FMN1: variants seen among roughly 807,000 people sequenced by gnomAD.
The protein encoded by FMN1 is formin-1.
A neutral mutation model predicts 132.4 loss-of-function variants in FMN1; 110 were observed. The observed-to-expected ratio is 0.83, with a 90% CI of 0.71 to 0.97. The LOEUF (loss-of-function observed/expected upper bound fraction) is 0.97, where lower values mean the gene tolerates loss of function less well. Among genes scored for constraint, FMN1 ranks in the 50% least tolerant of loss-of-function variants. The probability of loss-of-function intolerance (pLI) is 0.00; values close to 1 mark genes in which losing one functional copy is unlikely to be tolerated. For synonymous variants in FMN1, 722 were observed against 651.7 expected (o/e 1.11, Z -1.64); for missense variants, 1,792 against 1,705.3 (o/e 1.05, Z -0.90).
intron 9 of FMN1, among the ~76,000 whole-genome samples, chr15:32,953,960 C>T (rs1384967156): frequency 6.6e-6 from 1 of 152,196 alleles, no homozygotes; most frequent in Non-Finnish European, 1.5e-5. Flanking sequence ...AACGTATCCA[C>T]ATTCAGCTAA....
chr15:32,989,082 C>CT (rs1287588766), intron 7 of FMN1, among the ~76,000 whole-genome samples: 1 of 151,908 alleles, frequency 6.6e-6, no homozygotes, highest in African/African-American at 2.4e-5. Flanking sequence ...TCCTTTGTCT[C>CT]TGAGTTTGAA....
At chr15:32,812,002 AT>A (rs2057897603) in intron 17 of FMN1, among the ~76,000 whole-genome samples, 1 of 142,064 alleles carries the variant, frequency 7.0e-6, no homozygotes, top group South Asian at 2.3e-4. Context: ...GAATTGGAGT[AT>A]TTTATGGACA....
chr15:33,123,691 C>T (rs1962781396), intron 4 of FMN1, among the ~76,000 whole-genome samples: 1 of 152,168 alleles, frequency 6.6e-6, no homozygotes, highest in South Asian at 2.1e-4. Context: ...AAGACATGAA[C>T]GTCCCTTCCA....
At chr15:33,059,671 AAC>A (rs1463718386) in intron 6 of FMN1, among the ~76,000 whole-genome samples, 7 of 152,374 alleles carry the variant, frequency 4.6e-5, no homozygotes, top group African/African-American at 1.4e-4. Flanking sequence ...ATAATTTATC[AAC>A]AGAGTATTAA....
At position 32,930,774 on chromosome 15, in the gene FMN1, T is replaced by TC. The variant is rs2061095242; in HGVS notation, c.3139-4514dup. ...TATATCCAGGAAACAACTGCCAAAA[T>TC]CAATTTTAGAGGACTTTTCCCTATT... On this transcript the variant is annotated intron_variant, in intron 9 of 20. Transcript: ENST00000616417. Among the ~76,000 whole-genome samples the TC allele has an allele frequency of 3.3e-5, 5 of 152,118 alleles. No homozygotes were observed. The South Asian group carries it at 1.0e-3, about 32-fold the overall frequency.
chr15:33,064,354 T>C (rs991264221), intron 6 of FMN1: 1 of 152,238 alleles, frequency 6.6e-6, no homozygotes, highest in Non-Finnish European at 1.5e-5. Flanking sequence ...ACAGTTCACG[T>C]GAAACTTCCA....
chr15:32,845,506 G>C (rs758539740), intron 17 of FMN1, among the ~76,000 whole-genome samples: 3 of 152,014 alleles, frequency 2.0e-5, no homozygotes, highest in Non-Finnish European at 4.4e-5. Flanking sequence ...TTTACCCCTA[G>C]GGTCCTGGGA....
intron 3 of FMN1, among the ~76,000 whole-genome samples, chr15:33,176,506 C>CAAA (rs71117114): frequency 1.9e-4 from 12 of 63,748 alleles, no homozygotes; most frequent in Non-Finnish European, 1.9e-4. Flanking sequence ...ACCCTGTCTC[C>CAAA]AAAAAAAAAA....
intron 19 of FMN1, 114 bp downstream of exon 19, chr15:32,798,690 A>G: frequency 1.0e-6 from 1 of 989,638 alleles, no homozygotes; most frequent in Non-Finnish European, 1.4e-6. Flanking sequence ...CCCTATGACC[A>G]CTTCATCCGA....
At chr15:32,899,285 T>C (rs573350618) in intron 14 of FMN1, among the ~76,000 whole-genome samples, 2 of 152,224 alleles carry the variant, frequency 1.3e-5, no homozygotes, top group Non-Finnish European at 2.9e-5. Flanking sequence ...GCGTTCTTAA[T>C]GGTGTGAAAA....
intron 5 of FMN1, among the ~76,000 whole-genome samples, chr15:33,085,176 G>A (rs1484173487): frequency 2.0e-5 from 3 of 152,102 alleles, no homozygotes; most frequent in Non-Finnish European, 4.4e-5. Context: ...AAGTTCTTTA[G>A]TGGTGATTTA....
intron 16 of FMN1, among the ~76,000 whole-genome samples, chr15:32,859,462 G>C (rs2059214299): frequency 6.6e-6 from 1 of 152,066 alleles, no homozygotes; most frequent in Non-Finnish European, 1.5e-5. Context: ...GTGGTTCTCT[G>C]CTCTGCTCTC....
rs542843031 is a variant in FMN1 at position 32,898,761 on chromosome 15, T to C, written c.3714+73A>G. 6 of 978,596 alleles carry C rather than the reference T, an allele frequency of 6.1e-6. No individual in the cohort carries two copies. In the East Asian group the frequency reaches 1.5e-4, roughly 24 times the overall value. The allele number at this position is 978,596 out of a possible 1,614,324, so 60.6% of individuals were successfully genotyped here. A position where few individuals can be genotyped will look rare whatever the true frequency, so the allele number is the denominator to read the frequency against. On this transcript the variant is annotated intron_variant, in intron 15 of 20. Transcript: ENST00000616417. ...TGGGCTTGCAGTTCGTTCATCCATC[T>C]ATCCATCATCCAACTTATGAATGTC...
chr15:32,930,497 T>C (rs147678964), intron 9 of FMN1, among the ~76,000 whole-genome samples: 5 of 152,274 alleles, frequency 3.3e-5, no homozygotes, highest in Non-Finnish European at 7.4e-5. Context: ...TGGTGATTAG[T>C]GATGTTGAGC....
chr15:32,915,821 TC>T (rs2060671194), intron 10 of FMN1, among the ~76,000 whole-genome samples: 1 of 152,238 alleles, frequency 6.6e-6, no homozygotes, highest in Non-Finnish European at 1.5e-5. Flanking sequence ...TCCTTAGTTG[TC>T]CCACTCACAC....
chr15:33,117,451 T>C (rs1018976761), intron 4 of FMN1, among the ~76,000 whole-genome samples: 1 of 152,298 alleles, frequency 6.6e-6, no homozygotes, highest in Middle Eastern at 3.4e-3. Context: ...TCTCGGCGTT[T>C]TCTTATTTAA....
intron 9 of FMN1, among the ~76,000 whole-genome samples, chr15:32,935,799 T>C (rs1251845257): frequency 6.6e-6 from 1 of 152,130 alleles, no homozygotes; most frequent in Non-Finnish European, 1.5e-5. Context: ...AGCTAATTTT[T>C]GTTCTTTTAG....
At chr15:33,123,387 ATAG>A (rs1478820912) in intron 4 of FMN1, among the ~76,000 whole-genome samples, 1 of 152,178 alleles carries the variant, frequency 6.6e-6, no homozygotes, top group Non-Finnish European at 1.5e-5. Flanking sequence ...ACTGCACTAT[ATAG>A]TATACAGACT....
At position 33,177,996 on chromosome 15, in the gene FMN1, G is replaced by A. The variant is rs796085776; in HGVS notation, c.-132+2202C>T. On this transcript the variant is annotated intron_variant, in intron 3 of 20. Transcript: ENST00000616417. ...GGACTCCAGCGTGGGCAACGAGAGCGAAACTCTGTCTCAAAAAAGAAAAGA... is the reference window on the plus strand; with the variant it reads ...GGACTCCAGCGTGGGCAACGAGAGCAAAACTCTGTCTCAAAAAAGAAAAGA... Among the ~76,000 whole-genome samples, 97 of 152,220 alleles carry A rather than the reference G, an allele frequency of 6.4e-4. 1 individual carries two copies. The highest frequency in any genetic ancestry group is 2.1e-3 in the African/African-American group (86 of 41,542).
Sources: gnomAD v4.1 joint callset for allele counts (sites outside exome capture counted in the v4.1 genomes callset) on GRCh38, gnomAD v4.1.1 for gene constraint, MANE v1.5 for transcripts, NCBI Gene and HGNC (gene_info 2026-07-23, HGNC 2026-07-21) for gene names.